Variants in LMX1A observed in about 807,000 individuals in gnomAD.
The protein encoded by LMX1A is LIM homeobox transcription factor 1-alpha.
Under a neutral mutation model 49.1 loss-of-function variants are expected in LMX1A, and 15 were observed. The ratio of observed to expected loss-of-function variants is 0.31; its 90% CI spans 0.20 to 0.47. The LOEUF (loss-of-function observed/expected upper bound fraction) is 0.47. LMX1A is among the 20% of genes least tolerant of loss of function. LMX1A has a pLI of 1.00. For synonymous variants in LMX1A, 167 were observed against 185.7 expected (o/e 0.90, Z 0.82); for missense variants, 372 against 475.8 (o/e 0.78, Z 2.03).
intron 3 of LMX1A, among the ~76,000 whole-genome samples, chr1:165,262,684 T>C (rs1653482112): frequency 6.6e-6 from 1 of 152,208 alleles, no homozygotes; most frequent in South Asian, 2.1e-4. Flanking sequence ...TCAAAAACTA[T>C]ATCATATATT....
chr1:165,258,607 G>A (rs1653326652), intron 3 of LMX1A, among the ~76,000 whole-genome samples: 2 of 152,188 alleles, frequency 1.3e-5, no homozygotes, highest in African/African-American at 4.8e-5. Context: ...ATGAACGAGT[G>A]GGAGTGAGAA....
chr1:165,320,286 A>G (rs571651763), intron 3 of LMX1A, among the ~76,000 whole-genome samples: 1 of 152,312 alleles, frequency 6.6e-6, no homozygotes, highest in African/African-American at 2.4e-5. Context: ...GAGGATGGCT[A>G]ACACCCACAC....
intron 4 of LMX1A, among the ~76,000 whole-genome samples, chr1:165,226,108 C>T (rs532803568): frequency 7.8e-4 from 118 of 152,130 alleles, no homozygotes; most frequent in Non-Finnish European, 1.4e-3. Flanking sequence ...TAACCTAAGA[C>T]GGGCAGGTGC....
intron 3 of LMX1A, among the ~76,000 whole-genome samples, chr1:165,350,173 CAAAAAAAAAA>C (rs60150264): frequency 0.037 from 3,004 of 80,522 alleles, 62 homozygotes; most frequent in Non-Finnish European, 0.051. Flanking sequence ...AAAGATCCAC[CAAAAAAAAAA>C]AAAAAAAAAA....
At chr1:165,286,781 T>A (rs1230302818) in intron 3 of LMX1A, among the ~76,000 whole-genome samples, 1 of 24,046 alleles carries the variant, frequency 4.2e-5, no homozygotes, top group Non-Finnish European at 7.5e-5. Flanking sequence ...CCTACTTGGC[T>A]CTGAAAACAA....
Position 165,223,743 on chromosome 1 carries a change from G to A in LMX1A, c.497-9930C>T, listed in dbSNP as rs561626992. The stretch of plus-strand genomic sequence containing the variant: ...TTCAAACAAGAAGACAATTTTGTAT[G>A]TTGTCTTACATTATTCTCCAACCAT... On this transcript the variant is annotated intron_variant, in intron 4 of 8. Coordinates refer to ENST00000342310, the MANE Select transcript of LMX1A (RefSeq NM_177398.4). Among the ~76,000 whole-genome samples the A allele has an allele frequency of 2.1e-4, 31 of 150,714 alleles. No individual in the cohort carries two copies. The South Asian group carries it at 2.5e-3, about 12-fold the overall frequency.
intron 3 of LMX1A, among the ~76,000 whole-genome samples, chr1:165,346,254 A>G (rs1342047777): frequency 2.0e-5 from 3 of 152,174 alleles, no homozygotes; most frequent in Non-Finnish European, 4.4e-5. Context: ...GTGCAAGGAG[A>G]CGTTGGAGGC....
intron 3 of LMX1A, among the ~76,000 whole-genome samples, chr1:165,270,256 A>T (rs545397248): frequency 6.6e-6 from 1 of 152,158 alleles, no homozygotes; most frequent in South Asian, 2.1e-4. Flanking sequence ...CTCTCCACCA[A>T]TCTAAATCCT....
intron 3 of LMX1A, among the ~76,000 whole-genome samples, chr1:165,312,548 C>T (rs536544437): frequency 1.3e-4 from 20 of 152,188 alleles, no homozygotes; most frequent in Non-Finnish European, 2.8e-4. Flanking sequence ...GTAGGTTCCA[C>T]TTCCTGTCTC....
At chr1:165,247,054 C>CTTTGTTTTTTTTT (rs1652875628) in intron 4 of LMX1A, among the ~76,000 whole-genome samples, 2 of 53,228 alleles carry the variant, frequency 3.8e-5, no homozygotes, top group African/African-American at 7.2e-5. Flanking sequence ...TCAGCTTTTT[C>CTTTGTTTTTTTTT]TTTTTTTTTT....
At chr1:165,239,540 T>C (rs1652572128) in intron 4 of LMX1A, among the ~76,000 whole-genome samples, 1 of 152,172 alleles carries the variant, frequency 6.6e-6, no homozygotes, top group Admixed American at 6.5e-5. Flanking sequence ...AGAAAAGAAA[T>C]GCTGAGCCTC....
chr1:165,236,852 G>GTT lies in LMX1A; in HGVS notation c.496+12554_496+12555dup, dbSNP rs11302510. 9.7e-3 allele frequency among the ~76,000 whole-genome samples: 1,397 copies of GTT among 144,316 alleles called. 54 individuals are homozygous for GTT. In the East Asian group the frequency reaches 0.14, roughly 15 times the overall value. The allele number at this position is 144,316 out of a possible 152,430, so 94.7% of individuals were successfully genotyped here. A position where few individuals can be genotyped will look rare whatever the true frequency, so the allele number is the denominator to read the frequency against. ...AAGGTCTATTCCACAGGAGTTCAAA[G>GTT]TTTTTTTTTTTTTTTAGTACATAAG... is the stretch of plus-strand genomic sequence containing the variant. On this transcript the variant is annotated intron_variant, in intron 4 of 8. Coordinates refer to ENST00000342310, the MANE Select transcript of LMX1A (RefSeq NM_177398.4).
rs559201420 is a variant in LMX1A, at chr1:165,233,057, C to T, written c.496+16351G>A. On this transcript the variant is annotated intron_variant, in intron 4 of 8. Coordinates refer to ENST00000342310, the MANE Select transcript of LMX1A (RefSeq NM_177398.4). ...CTTACTTTGTGCCCTACAACCCCCA[C>T]CATAAACACTTTATATATATTGTCC... 7.2e-5 allele frequency among the ~76,000 whole-genome samples: 11 copies of T among 152,324 alleles called. No individual in the cohort carries two copies. In the South Asian group the frequency reaches 1.7e-3, roughly 23 times the overall value.
chr1:165,342,199 C>T (rs1225209785), intron 3 of LMX1A, among the ~76,000 whole-genome samples: 2 of 152,182 alleles, frequency 1.3e-5, no homozygotes, highest in African/African-American at 4.8e-5. Context: ...AGAGGGATGT[C>T]AACAGTTCTG....
chr1:165,249,379 C>G, intron 4 of LMX1A, 29 bp downstream of exon 4: 1 of 1,542,530 alleles, frequency 6.5e-7, no homozygotes, highest in Non-Finnish European at 9.0e-7. Context: ...CCCACCCCAC[C>G]GCAGCCCTGC....
intron 4 of LMX1A, among the ~76,000 whole-genome samples, chr1:165,235,167 T>C (rs1652382326): frequency 6.6e-6 from 1 of 152,018 alleles, no homozygotes; most frequent in African/African-American, 2.4e-5. Context: ...TAGGGGGCGA[T>C]GCAGTCGATG....
chr1:165,210,123 G>T (rs1024124932), intron 6 of LMX1A, among the ~76,000 whole-genome samples: 3 of 152,224 alleles, frequency 2.0e-5, no homozygotes, highest in Admixed American at 1.3e-4. Flanking sequence ...CTAAAGATCA[G>T]GGCTCTTGAG....
At chr1:165,267,530 A>G (rs1291592572) in intron 3 of LMX1A, among the ~76,000 whole-genome samples, 1 of 152,134 alleles carries the variant, frequency 6.6e-6, no homozygotes, top group Non-Finnish European at 1.5e-5. Flanking sequence ...CAATTCTTTC[A>G]TCCTATACCT....
chr1:165,283,780 T>C (rs1383654742), intron 3 of LMX1A, among the ~76,000 whole-genome samples: 2 of 152,250 alleles, frequency 1.3e-5, no homozygotes, highest in East Asian at 3.8e-4. Context: ...AAATGTATGG[T>C]CTTCTAACCA....
Sources: allele counts gnomAD v4.1 joint callset (sites outside exome capture counted in the v4.1 genomes callset), GRCh38; gene constraint gnomAD v4.1.1; transcripts MANE v1.5; gene names NCBI Gene and HGNC (gene_info 2026-07-23, HGNC 2026-07-21).